The following PLCH1 variants were observed in gnomAD, a reference collection of about 807,000 sequenced individuals.
PLCH1 encodes the protein 1-phosphatidylinositol 4,5-bisphosphate phosphodiesterase eta-1.
In PLCH1, 60 loss-of-function variants were observed where a neutral mutation model predicts 126.7. The ratio of observed to expected loss-of-function variants is 0.47; its 90% CI spans 0.38 to 0.59. The LOEUF is 0.59. Among genes scored for constraint, PLCH1 ranks in the 20% least tolerant of loss-of-function variants. PLCH1 has a pLI of 0.00. For synonymous variants in PLCH1, 719 were observed against 734.9 expected, an observed-to-expected ratio of 0.98 and a Z score of 0.35; for missense variants, 1,723 against 2,040.0, an observed-to-expected ratio of 0.84 and a Z score of 2.99.
At chr3:155,707,794 A>G (rs1746793838) in intron 1 of PLCH1, among the ~76,000 whole-genome samples, 1 of 152,226 alleles carries the variant, frequency 6.6e-6, no homozygotes, top group Non-Finnish European at 1.5e-5. Context: ...TGATCATCCA[A>G]TCAGAGTTGA....
chr3:155,692,006 G>C (rs189339230), intron 2 of PLCH1, among the ~76,000 whole-genome samples: 20 of 151,390 alleles, frequency 1.3e-4, no homozygotes, highest in Non-Finnish European at 2.5e-4. Flanking sequence ...ACTCCAACCT[G>C]GCAACAGAGC....
intron 1 of PLCH1, among the ~76,000 whole-genome samples, chr3:155,706,615 C>CAAA (rs56707638): frequency 3.5e-4 from 49 of 138,176 alleles, no homozygotes; most frequent in African/African-American, 1.3e-3. Context: ...GACTCCGTCT[C>CAAA]AAAAAAAAAA....
chr3:155,620,324 G>A (rs1226449684), intron 2 of PLCH1, among the ~76,000 whole-genome samples: 6 of 152,112 alleles, frequency 3.9e-5, no homozygotes, highest in Non-Finnish European at 8.8e-5. Flanking sequence ...ACGTATGCAC[G>A]TACATCTGCC....
intron 2 of PLCH1, among the ~76,000 whole-genome samples, chr3:155,636,488 C>CT (rs1314839732): frequency 6.6e-6 from 1 of 152,168 alleles, no homozygotes; most frequent in Non-Finnish European, 1.5e-5. Context: ...TGGCTCTCGC[C>CT]TGTAATCCCA....
intron 8 of PLCH1, among the ~76,000 whole-genome samples, chr3:155,558,709 A>G (rs1315953624): frequency 1.3e-5 from 2 of 152,190 alleles, no homozygotes; most frequent in Non-Finnish European, 2.9e-5. Flanking sequence ...TTAGAATGGT[A>G]CACAACTTAA....
At chr3:155,658,347 T>C (rs1305796230) in intron 2 of PLCH1, 8 of 168,328 alleles carry the variant, frequency 4.8e-5, no homozygotes, top group Admixed American at 1.2e-4. Context: ...CACCAGAAAT[T>C]TGTCATCACC....
chr3:155,464,977 C>T (rs1169653173), intron 21 of PLCH1, among the ~76,000 whole-genome samples: 4 of 151,924 alleles, frequency 2.6e-5, no homozygotes, highest in African/African-American at 4.8e-5. Flanking sequence ...GGCGTGGCAG[C>T]GTGTGCCTGT....
intron 10 of PLCH1, among the ~76,000 whole-genome samples, chr3:155,537,543 G>C (rs958472321): frequency 6.6e-6 from 1 of 151,826 alleles, no homozygotes; most frequent in African/African-American, 2.4e-5. Context: ...AAAGTAAAGG[G>C]GTAGAAGAAG....
intron 7 of PLCH1, among the ~76,000 whole-genome samples, chr3:155,567,666 T>C (rs1728692219): frequency 1.3e-5 from 2 of 152,222 alleles, no homozygotes; most frequent in African/African-American, 4.8e-5. Flanking sequence ...ATTTCTGCCA[T>C]ATTATTTACG....
At chr3:155,530,388 C>T (rs1436693875) in intron 10 of PLCH1, among the ~76,000 whole-genome samples, 6 of 149,190 alleles carry the variant, frequency 4.0e-5, no homozygotes, top group South Asian at 2.1e-4. Flanking sequence ...TGCAGTGGTG[C>T]GATCTGCAAG....
chr3:155,642,644 T>A (rs185895726), intron 2 of PLCH1, among the ~76,000 whole-genome samples: 1 of 152,240 alleles, frequency 6.6e-6, no homozygotes, highest in East Asian at 1.9e-4. Context: ...CTCTGCTACA[T>A]AGACTTTAAA....
intron 12 of PLCH1, among the ~76,000 whole-genome samples, chr3:155,506,193 T>A (rs947633040): frequency 1.2e-4 from 19 of 152,012 alleles, no homozygotes; most frequent in Non-Finnish European, 2.4e-4. Context: ...AAATTCCAAT[T>A]TTACAGAAAA....
At chr3:155,636,501 A>C (rs566684810) in intron 2 of PLCH1, among the ~76,000 whole-genome samples, 1 of 152,208 alleles carries the variant, frequency 6.6e-6, no homozygotes, top group African/African-American at 2.4e-5. Context: ...TAATCCCAGC[A>C]CTTTGGGAGG....
intron 8 of PLCH1, among the ~76,000 whole-genome samples, chr3:155,562,445 T>C (rs1478581342): frequency 1.3e-5 from 2 of 152,184 alleles, no homozygotes; most frequent in East Asian, 3.8e-4. Context: ...GTCAGTTACT[T>C]ATAAGAGCTC....
chr3:155,727,126 G>A (rs1469139983), intron 1 of PLCH1, among the ~76,000 whole-genome samples: 2 of 150,824 alleles, frequency 1.3e-5, no homozygotes, highest in African/African-American at 4.9e-5. Context: ...AGTTGTATTT[G>A]GTTATTTTTT....
intron 2 of PLCH1, among the ~76,000 whole-genome samples, chr3:155,684,256 G>A (rs141277028): frequency 1.3e-3 from 193 of 152,264 alleles, no homozygotes; most frequent in African/African-American, 4.4e-3. Flanking sequence ...CAAACATAGA[G>A]ATAACCATAA....
chr3:155,681,903 G>A (rs928991441), intron 2 of PLCH1, among the ~76,000 whole-genome samples: 1 of 152,162 alleles, frequency 6.6e-6, no homozygotes, highest in Non-Finnish European at 1.5e-5. Context: ...CTGAACCCCT[G>A]CTTAGTCTTA....
intron 10 of PLCH1, among the ~76,000 whole-genome samples, chr3:155,538,041 C>A (rs1369133008): frequency 6.6e-6 from 1 of 152,018 alleles, no homozygotes; most frequent in Non-Finnish European, 1.5e-5. Context: ...ATAATTATAG[C>A]AAGTACTCTC....
At chr3:155,476,159 T>C (rs1440956069), downstream of PLCH1, among the ~76,000 whole-genome samples, 2 of 151,992 alleles carry the variant, frequency 1.3e-5, no homozygotes, top group Non-Finnish European at 2.9e-5. Flanking sequence ...CATATGCAAA[T>C]CAATCAGTAT....
Sources: gnomAD v4.1 joint callset for allele counts (sites outside exome capture counted in the v4.1 genomes callset) on GRCh38, gnomAD v4.1.1 for gene constraint, MANE v1.5 for transcripts, NCBI Gene and HGNC (gene_info 2026-07-23, HGNC 2026-07-21) for gene names.